The following LRRCC1 variants were observed in gnomAD, a reference collection of about 807,000 sequenced individuals.
LRRCC1 encodes the protein leucine rich repeat and coiled-coil centrosomal protein 1.
In LRRCC1, 115 loss-of-function variants were observed where a neutral mutation model predicts 126.0. That is an observed-to-expected ratio of 0.91 (90% CI 0.78 to 1.07). The LOEUF (loss-of-function observed/expected upper bound fraction) is 1.07, where lower values mean the gene tolerates loss of function less well. Ranked by LOEUF, LRRCC1 falls within the 50% of genes least tolerant of loss-of-function variation. The pLI, the probability that LRRCC1 is intolerant of heterozygous loss-of-function variation, is 0.00. For missense variants in LRRCC1, 1,172 were observed against 1,175.7 expected (o/e 1.00, Z 0.05); for synonymous variants, 400 against 393.4 (o/e 1.02, Z -0.20).
intron 6 of LRRCC1, 78 bp from the exon 7 acceptor site, chr8:85,123,335 A>G: frequency 3.2e-6 from 3 of 945,662 alleles, no homozygotes; most frequent in Non-Finnish European, 4.9e-6. Flanking sequence ...AAAAAGATAT[A>G]ATATTTCAGA....
In LRRCC1 at chr8:85,123,456, C is replaced by CA; in HGVS notation, c.979dup (p.Arg327LysfsTer8). On this transcript the variant is annotated frameshift_variant, in exon 7 of 19. Transcript: ENST00000360375. LOFTEE classifies it high-confidence loss of function. ...AACGTTCTTGAGAAAGACCCCAGAC[C>CA]AAAAAGAGACACAGATATAACTTCT... 6.2e-7 allele frequency: 1 copy of CA among 1,605,068 alleles called. No homozygotes were observed. The highest frequency in any genetic ancestry group is 1.1e-5 in the South Asian group (1 of 88,750).
chr8:85,109,359 C>G, intron 1 of LRRCC1: 1 of 502,950 alleles, frequency 2.0e-6, no homozygotes, highest in Non-Finnish European at 3.5e-6. Flanking sequence ...TAGAAATGCC[C>G]ACTGTCACTT....
At chr8:85,133,290 T>C (rs1279395313) in intron 12 of LRRCC1, among the ~76,000 whole-genome samples, 2 of 152,218 alleles carry the variant, frequency 1.3e-5, no homozygotes, top group Admixed American at 1.3e-4. Flanking sequence ...TCCAGCACAC[T>C]GCATTTCTTG....
At chr8:85,109,926 A>G in intron 2 of LRRCC1, 126 bp downstream of exon 2, 1 of 631,956 alleles carries the variant, frequency 1.6e-6, no homozygotes, top group Non-Finnish European at 2.6e-6. Flanking sequence ...ATTATACAAA[A>G]TATTTTCTCC....
Position 85,115,246 on chromosome 8 carries a change from G to A in LRRCC1, c.691G>A (p.Asp231Asn), listed in dbSNP as rs150905781. 2.6e-5 allele frequency: 42 copies of A among 1,609,762 alleles called. No individual in the cohort carries two copies. The African/African-American group carries it at 3.9e-4, about 15-fold the overall frequency. The change falls in exon 5 of 19, where the codon GAT (aspartate) becomes AAT (asparagine). Residue 231 changes from aspartate (D) to asparagine (N), a missense_variant. Asp to Asn is a conservative substitution (Grantham distance 23). Transcript: ENST00000360375. The stretch of plus-strand genomic sequence containing the variant: ...TCTTTTGGATAATTTAGTTTCTTCT[G>A]ATTCTCCCCTAAATATAAGTGAAGA... ...EGLLDNLVSS[D>N]SPLNISEDEI... is the part of the protein sequence containing the mutation.
chr8:85,135,479 T>G (rs1810784904), intron 13 of LRRCC1, among the ~76,000 whole-genome samples: 1 of 152,198 alleles, frequency 6.6e-6, no homozygotes, highest in Admixed American at 6.5e-5. Context: ...ACCCAAAATT[T>G]GTTTCTGGAA....
At chr8:85,115,783 T>C (rs1267414569) in intron 6 of LRRCC1, among the ~76,000 whole-genome samples, 199 bp downstream of exon 6, 4 of 147,348 alleles carry the variant, frequency 2.7e-5, no homozygotes, top group African/African-American at 7.7e-5. Flanking sequence ...TTCACTCACT[T>C]TACTTGTCTT....
chr8:85,133,530 C>A (rs1810639704), intron 12 of LRRCC1, among the ~76,000 whole-genome samples: 1 of 152,160 alleles, frequency 6.6e-6, no homozygotes, highest in South Asian at 2.1e-4. Flanking sequence ...TTCTACTTCA[C>A]TGCTAATTTT....
At chr8:85,141,658 C>T in intron 18 of LRRCC1, 141 bp downstream of exon 18, 3 of 617,126 alleles carry the variant, frequency 4.9e-6, no homozygotes, top group African/African-American at 1.9e-5. Flanking sequence ...CAAAACTATC[C>T]TAAAACCAGG....
chr8:85,138,217 A>G lies in LRRCC1; in HGVS notation c.2676A>G (p.Glu892=). The G allele has an allele frequency of 6.2e-7, 1 of 1,608,826 alleles. No homozygotes were observed. The highest frequency in any genetic ancestry group is 8.5e-7 in the Non-Finnish European group (1 of 1,178,256). Reference sequence around the variant, plus strand: ...AACAGTTGAAAGGAAAGGAAGTAGAACTTGAAGAAATCAGAAAAGCTTACA... The same window carrying G: ...AACAGTTGAAAGGAAAGGAAGTAGAGCTTGAAGAAATCAGAAAAGCTTACA... ...LKQQLKGKEV[E]LEEIRKAYST... The change falls in exon 16 of 19, where the codon GAA becomes GAG. Residue 892 remains glutamate, a synonymous_variant. Coordinates refer to ENST00000360375, the MANE Select transcript of LRRCC1 (RefSeq NM_033402.5).
chr8:85,107,916 C>G (rs1439983849), intron 1 of LRRCC1, among the ~76,000 whole-genome samples: 1 of 152,242 alleles, frequency 6.6e-6, no homozygotes, highest in Non-Finnish European at 1.5e-5. Flanking sequence ...CATTGCAATA[C>G]ATATATTCAT....
chr8:85,122,382 A>T (rs1809626389), intron 6 of LRRCC1, among the ~76,000 whole-genome samples: 2 of 151,860 alleles, frequency 1.3e-5, no homozygotes, highest in African/African-American at 4.8e-5. Context: ...AGACTTTTTG[A>T]TATTGTCTCA....
chr8:85,135,948 G>A lies in LRRCC1; in HGVS notation c.2314G>A (p.Glu772Lys), dbSNP rs1273184891. Residue 772 changes from glutamate (E) to lysine (K), a missense_variant, in exon 14 of 19, where the codon GAG becomes AAG. By Grantham distance (56) the Glu-to-Lys change is moderately conservative. Transcript: ENST00000360375. ...GACAGAAAGAAAAGTATGGGGACAT[G>A]AGCTGGCACAACAAGGTAAAATTCT... ...LRTERKVWGH[E>K]LAQQGSSLAQ... The A allele has an allele frequency of 6.4e-7, 1 of 1,569,330 alleles. No individual in the cohort carries two copies. The highest frequency in any genetic ancestry group is 1.4e-5 in the African/African-American group (1 of 72,672).
At chr8:85,110,663 G>T (rs1312291813) in intron 3 of LRRCC1, among the ~76,000 whole-genome samples, 3 of 152,188 alleles carry the variant, frequency 2.0e-5, no homozygotes, top group Non-Finnish European at 4.4e-5. Flanking sequence ...GTAGCTAATG[G>T]CTACTGCCAT....
chr8:85,109,770 T>C lies in LRRCC1; in HGVS notation c.280T>C (p.Leu94=). 6.3e-7 allele frequency: 1 copy of C among 1,582,192 alleles called. No homozygotes were observed. Among genetic ancestry groups the C allele is most frequent in the Non-Finnish European group, 8.6e-7 (1 of 1,160,240 alleles). Residue 94 remains leucine (L), a synonymous_variant, in exon 2 of 19, where the codon TTG becomes CTG. Transcript: ENST00000360375. ...NTLTKLCTLN[L]SCNLITKVEG... ...ACTGACAAAACTGTGCACATTAAAT[T>C]TGTCCTGCAATTTGATTACAAAAGT...
At chr8:85,130,692 C>A (rs1414852560) in intron 11 of LRRCC1, among the ~76,000 whole-genome samples, 1 of 152,094 alleles carries the variant, frequency 6.6e-6, no homozygotes, top group East Asian at 1.9e-4. Context: ...TTTTAATTGA[C>A]CCCCAAGTTA....
chr8:85,129,193 T>C lies in LRRCC1; in HGVS notation c.1440T>C (p.Phe480=), dbSNP rs909184500. 1 of 1,609,178 alleles carries C rather than the reference T, an allele frequency of 6.2e-7. No homozygotes were observed. The highest frequency in any genetic ancestry group is 1.3e-5 in the African/African-American group (1 of 74,642). ...LTTDRLKEII[F]RERNSKGQLE... is the part of the protein sequence containing the mutation. Reference sequence around the variant, plus strand: ...GCTTTAGGCTAAAGGAAATTATTTTTAGAGAGAGAAATTCCAAAGGACAAC... The same window carrying C: ...GCTTTAGGCTAAAGGAAATTATTTTCAGAGAGAGAAATTCCAAAGGACAAC... The change falls in exon 10 of 19, where the codon TTT becomes TTC. Residue 480 remains phenylalanine, a synonymous_variant. Transcript: ENST00000360375.
intron 6 of LRRCC1, among the ~76,000 whole-genome samples, chr8:85,119,440 C>A (rs1809356781): frequency 1.4e-5 from 2 of 146,706 alleles, no homozygotes; most frequent in African/African-American, 5.0e-5. Context: ...TTCTTGATTT[C>A]TGGTTTTTAT....
At chr8:85,125,276 G>T (rs559016037) in intron 8 of LRRCC1, among the ~76,000 whole-genome samples, 2 of 151,938 alleles carry the variant, frequency 1.3e-5, no homozygotes, top group Non-Finnish European at 2.9e-5. Context: ...AAATTTACAG[G>T]TCTTCTCAAA....
Sources: allele counts gnomAD v4.1 joint callset (sites outside exome capture counted in the v4.1 genomes callset), GRCh38; gene constraint gnomAD v4.1.1; transcripts MANE v1.5; gene names NCBI Gene and HGNC (gene_info 2026-07-23, HGNC 2026-07-21).